LAMA5: variants seen among roughly 807,000 people sequenced by gnomAD.
The protein encoded by LAMA5 is laminin subunit alpha 5.
Under a neutral mutation model 433.4 loss-of-function variants are expected in LAMA5, and 260 were observed. The observed-to-expected ratio is 0.60, with a 90% confidence interval of 0.54 to 0.66. The LOEUF is 0.66. LAMA5 is among the 30% of genes least tolerant of loss of function. The probability of loss-of-function intolerance (pLI) is 0.00; values close to 1 mark genes in which losing one functional copy is unlikely to be tolerated. For synonymous variants in LAMA5, 2,620 were observed against 2,226.6 expected, an observed-to-expected ratio of 1.18 and a Z score of -4.97; for missense variants, 5,378 against 5,258.5, an observed-to-expected ratio of 1.02 and a Z score of -0.70.
At position 62,324,206 on chromosome 20, in the gene LAMA5, T is replaced by C; in HGVS notation, c.5644-2A>G. The C allele has an allele frequency of 1.9e-6, 3 of 1,577,880 alleles. No individual in the cohort carries two copies. In the South Asian group the frequency reaches 3.5e-5, roughly 18 times the overall value. On this transcript the variant is annotated splice_acceptor_variant, in intron 42 of 79. Coordinates refer to ENST00000252999, the MANE Select transcript of LAMA5 (RefSeq NM_005560.6). LOFTEE classifies it high-confidence loss of function. This position sits in a 1 kb window ranked among gnomAD's most constrained non-coding sequence, Gnocchi z 4.4. ...CCCTTCGGTGTTGTGCTGGCAGTCC[T>C]GGGGCAGAGTGGACAGTCAGAGCTA...
At position 62,352,121 on chromosome 20, in the gene LAMA5, T is replaced by TG. The variant is rs1298328295; in HGVS notation, c.688-43dup. 7 of 1,598,980 alleles carry TG rather than the reference T, an allele frequency of 4.4e-6. No homozygotes were observed. In the Admixed American group the frequency reaches 8.4e-5, roughly 19 times the overall value. On this transcript the variant is annotated intron_variant, in intron 4 of 79. Transcript: ENST00000252999. ...GTGACGCCAGTGTGGCCCTAGCCCC[T>TG]GCTCAGCACTGCCCCTCCCGGGCCC... is the stretch of plus-strand genomic sequence containing the variant.
chr20:62,363,819 C>G (rs572028376), intron 1 of LAMA5, among the ~76,000 whole-genome samples: 1 of 152,030 alleles, frequency 6.6e-6, no homozygotes, highest in Non-Finnish European at 1.5e-5. Context: ...CCAACCCCCT[C>G]GCCCAGAGTG....
chr20:62,325,210 G>C (rs1372388133), intron 41 of LAMA5, 106 bp downstream of exon 41: 5 of 722,522 alleles, frequency 6.9e-6, no homozygotes, highest in Non-Finnish European at 1.1e-5. Context: ...AGGTGAGTAG[G>C]GTGACAGGAA....
chr20:62,337,919 C>A lies in LAMA5; in HGVS notation c.1911G>T (p.Arg637=), dbSNP rs752213768. ...PNCQACTCDP[R]GALDQLCGAG... Reference sequence around the variant, plus strand: ...CCCCACAGAGCTGGTCCAGGGCTCCCCGAGGGTCGCAGGTGCATGCTGCAG... The same window carrying A: ...CCCCACAGAGCTGGTCCAGGGCTCCACGAGGGTCGCAGGTGCATGCTGCAG... The change falls in exon 15 of 80, where the codon CGG becomes CGT. Residue 637 remains arginine, a synonymous_variant. Transcript: ENST00000252999. The A allele has an allele frequency of 6.2e-7, 1 of 1,610,482 alleles. No individual in the cohort carries two copies.
chr20:62,365,742 C>G (rs1319817185), intron 1 of LAMA5, among the ~76,000 whole-genome samples: 1 of 152,194 alleles, frequency 6.6e-6, no homozygotes, highest in Non-Finnish European at 1.5e-5. Flanking sequence ...GGCTGGGGGG[C>G]TCCAAGCAGG....
Position 62,324,099 on chromosome 20 carries a change from G to GGGGGCA in LAMA5, c.5743_5748dup (p.Cys1915_Pro1916dup). Reference sequence around the variant, plus strand: ...GCTTACTTGTTGGAAGGCACTGAGAGGGGGCAGGGGCAGCTGACACAGGGG... The same window carrying GGGGGCA: ...GCTTACTTGTTGGAAGGCACTGAGAGGGGGCAGGGGCAGGGGCAGCTGACACAGGGG... On this transcript the variant is annotated inframe_insertion, in exon 43 of 80. Coordinates refer to ENST00000252999, the MANE Select transcript of LAMA5 (RefSeq NM_005560.6). The surrounding 1 kb of genome is among the most constrained non-coding windows in gnomAD (Gnocchi z 4.4). The GGGGGCA allele has an allele frequency of 2.0e-6, 3 of 1,518,966 alleles. No homozygotes were observed. Among genetic ancestry groups the GGGGGCA allele is most frequent in the East Asian group, 2.3e-5 (1 of 43,132 alleles). 94.1% of individuals were successfully genotyped at this position (1,518,966 alleles called of 1,614,324 possible).
Position 62,329,274 on chromosome 20 carries a change from ACT to A in LAMA5, c.4120-23_4120-22del, listed in dbSNP as rs1979895570. ...TAATCCTAGGGGGTGAGGCCTGGTCACTCTCCCGCGGGCCCAGAGCCTGCAGC... is the reference window on the plus strand; with the variant it reads ...TAATCCTAGGGGGTGAGGCCTGGTCACTCCCGCGGGCCCAGAGCCTGCAGC... On this transcript the variant is annotated intron_variant, in intron 32 of 79. Coordinates refer to ENST00000252999, the MANE Select transcript of LAMA5 (RefSeq NM_005560.6). The A allele has an allele frequency of 2.6e-6, 4 of 1,567,998 alleles. No homozygotes were observed. In the South Asian group the frequency reaches 3.3e-5, roughly 13 times the overall value.
chr20:62,315,688 G>GGCCTAC (rs751414054), intron 58 of LAMA5, among the ~76,000 whole-genome samples: 30 of 152,104 alleles, frequency 2.0e-4, no homozygotes, highest in Non-Finnish European at 3.5e-4. Context: ...TCCCCCCCAA[G>GGCCTAC]GCCTACAGCC....
chr20:62,313,630 C>T lies in LAMA5; in HGVS notation c.8658+19G>A. 6.2e-7 allele frequency: 1 copy of T among 1,611,726 alleles called. No homozygotes were observed. Among genetic ancestry groups the T allele is most frequent in the South Asian group, 1.1e-5 (1 of 91,012 alleles). ...GCTGCGGAGCCCCTCCCAGGCTGCC[C>T]CAGGCCGGGCGGGCTCACCGTGAAG... On this transcript the variant is annotated intron_variant, in intron 63 of 79. Coordinates refer to ENST00000252999, the MANE Select transcript of LAMA5 (RefSeq NM_005560.6).
Position 62,325,538 on chromosome 20 carries a change from G to T in LAMA5, c.5307C>A (p.Phe1769Leu). Residue 1769 changes from phenylalanine (F) to leucine (L), a missense_variant, in exon 41 of 80, where the codon TTC becomes TTA. By Grantham distance (22) the Phe-to-Leu change is conservative (BLOSUM62 0). Transcript: ENST00000252999. ...RGQLQLVEGNFRHTETRNTVS... is the reference protein window; with the variant it reads ...RGQLQLVEGNLRHTETRNTVS... ...CAGTGTTGCGCGTCTCCGTATGCCG[G>T]AAGTTCCCCTGTGGGTCCAGGATGG... The T allele has an allele frequency of 6.2e-7, 1 of 1,606,278 alleles. No individual in the cohort carries two copies. Among genetic ancestry groups the T allele is most frequent in the East Asian group, 2.2e-5 (1 of 44,786 alleles).
intron 18 of LAMA5, 128 bp from the exon 19 acceptor site, chr20:62,335,397 C>T: frequency 1.2e-6 from 1 of 823,564 alleles, no homozygotes; most frequent in Non-Finnish European, 1.9e-6. Context: ...CCCCCAGGAG[C>T]CCCTGCACCC....
chr20:62,344,575 A>G (rs1308823788), intron 11 of LAMA5, among the ~76,000 whole-genome samples: 1 of 151,978 alleles, frequency 6.6e-6, no homozygotes, highest in Non-Finnish European at 1.5e-5. Context: ...CAGCCCCCCA[A>G]GTAGCTGGGA....
At chr20:62,363,630 G>A (rs1336087098) in intron 1 of LAMA5, among the ~76,000 whole-genome samples, 1 of 152,100 alleles carries the variant, frequency 6.6e-6, no homozygotes, top group Non-Finnish European at 1.5e-5. Flanking sequence ...TCCACACAAA[G>A]GCGCCCTCCC....
chr20:62,337,395 A>G (rs555275041), intron 16 of LAMA5, among the ~76,000 whole-genome samples, 195 bp downstream of exon 16: 70 of 152,370 alleles, frequency 4.6e-4, no homozygotes, highest in African/African-American at 1.7e-3. Context: ...GATGCACAGC[A>G]CGCAGACACG....
chr20:62,322,347 AGTGGCACTGTCCGCTCTGGGG>A lies in LAMA5; in HGVS notation c.6247_6267del (p.Pro2083_His2089del). ...TGGGGTCCCATGGTCCCTGGTCGGC[AGTGGCACTGTCCGCTCTGGGG>A]GTGGCACTCGGAGCCCTCGGCGGCC... On this transcript the variant is annotated inframe_deletion, in exon 47 of 80. Coordinates refer to ENST00000252999, the MANE Select transcript of LAMA5 (RefSeq NM_005560.6). The A allele has an allele frequency of 6.3e-7, 1 of 1,596,104 alleles. No individual in the cohort carries two copies. Among genetic ancestry groups the A allele is most frequent in the Non-Finnish European group, 8.5e-7 (1 of 1,173,012 alleles).
In LAMA5 at chr20:62,312,614, G is replaced by C. The variant is rs931600020; in HGVS notation, c.9227+18C>G. 6.2e-7 allele frequency: 1 copy of C among 1,602,662 alleles called. No homozygotes were observed. The highest frequency in any genetic ancestry group is 1.1e-5 in the South Asian group (1 of 89,908). Reference sequence around the variant, plus strand: ...CCAACAGCCTGGCCTCGGAGCCCCAGCTGCGCACAGTGCTTACCTCGGGGG... The same window carrying C: ...CCAACAGCCTGGCCTCGGAGCCCCACCTGCGCACAGTGCTTACCTCGGGGG... On this transcript the variant is annotated intron_variant, in intron 67 of 79. Coordinates refer to ENST00000252999, the MANE Select transcript of LAMA5 (RefSeq NM_005560.6).
rs1986458356 is a variant in LAMA5 at position 62,312,794 on chromosome 20, G to A, written c.9079-14C>T. 3 of 1,594,292 alleles carry A rather than the reference G, an allele frequency of 1.9e-6. No individual in the cohort carries two copies. In the South Asian group the frequency reaches 3.4e-5, roughly 18 times the overall value. On this transcript the variant is annotated splice_polypyrimidine_tract_variant and intron_variant, in intron 66 of 79. Coordinates refer to ENST00000252999, the MANE Select transcript of LAMA5 (RefSeq NM_005560.6). Reference sequence around the variant, plus strand: ...GAACACCTGGATCTACAGGACCAGTGGGGGCTCCAGGGCCAGCTGTGTCCC... The same window carrying A: ...GAACACCTGGATCTACAGGACCAGTAGGGGCTCCAGGGCCAGCTGTGTCCC...
At chr20:62,326,203 G>A (rs1979253839) in intron 40 of LAMA5, among the ~76,000 whole-genome samples, 1 of 149,346 alleles carries the variant, frequency 6.7e-6, no homozygotes, top group Admixed American at 6.8e-5. Context: ...CTGGGCGACA[G>A]AGCAAGACTG....
rs1396317281 is a variant in LAMA5 at position 62,318,317 on chromosome 20, AG to A, written c.7239+136del. On this transcript the variant is annotated intron_variant, in intron 53 of 79. Coordinates refer to ENST00000252999, the MANE Select transcript of LAMA5 (RefSeq NM_005560.6). ...GGAGGAGGGGGGGAAGAAGAGGAGG[AG>A]GGGGGGAGGACGAGGGAGGGGAGGA... 1,665 of 307,728 alleles carry A rather than the reference AG, an allele frequency of 5.4e-3. 64 individuals are homozygous for A. Among genetic ancestry groups the A allele is most frequent in the African/African-American group, 0.012 (160 of 13,130 alleles). The allele number at this position is 307,728 out of a possible 1,614,324, so 19.1% of individuals were successfully genotyped here.
Sources: allele counts gnomAD v4.1 joint callset (sites outside exome capture counted in the v4.1 genomes callset), GRCh38; gene constraint gnomAD v4.1.1; non-coding constraint Gnocchi (gnomAD v3.1); transcripts MANE v1.5; gene names NCBI Gene and HGNC (gene_info 2026-07-23, HGNC 2026-07-21).